Variants in SIPA1L3 observed in about 807,000 individuals in gnomAD.
SIPA1L3 encodes signal-induced proliferation-associated 1-like protein 3.
In SIPA1L3, 59 loss-of-function variants were observed where a neutral mutation model predicts 150.1. The observed-to-expected ratio is 0.39, with a 90% CI of 0.32 to 0.49. The LOEUF (loss-of-function observed/expected upper bound fraction) is 0.49. Among genes scored for constraint, SIPA1L3 ranks in the 20% least tolerant of loss-of-function variants. The pLI is 0.86. For synonymous variants in SIPA1L3, 1,070 were observed against 1,077.6 expected, an observed-to-expected ratio of 0.99 and a Z score of 0.14; for missense variants, 2,211 against 2,489.5, an observed-to-expected ratio of 0.89 and a Z score of 2.38.
intron 4 of SIPA1L3, among the ~76,000 whole-genome samples, chr19:38,092,608 A>G (rs1006583408): frequency 2.6e-5 from 4 of 152,140 alleles, no homozygotes; most frequent in African/African-American, 9.7e-5. Context: ...TTTGAGTCTC[A>G]CAGCCACAGG....
At chr19:37,956,066 T>C (rs1484587041) in intron 1 of SIPA1L3, among the ~76,000 whole-genome samples, 1 of 152,224 alleles carries the variant, frequency 6.6e-6, no homozygotes, top group Non-Finnish European at 1.5e-5. Flanking sequence ...CATGGCGCAC[T>C]ACAGTATCAA....
chr19:37,974,959 C>G (rs764507178), intron 1 of SIPA1L3, among the ~76,000 whole-genome samples: 8 of 152,092 alleles, frequency 5.3e-5, no homozygotes, highest in Non-Finnish European at 8.8e-5. Flanking sequence ...GGGCAGATCA[C>G]GAGGTCAGGA....
intron 19 of SIPA1L3, 95 bp downstream of exon 19, chr19:38,198,627 C>T: frequency 8.2e-7 from 1 of 1,214,894 alleles, no homozygotes; most frequent in Non-Finnish European, 1.1e-6. Flanking sequence ...GGGATACCCA[C>T]TCAGGTTCCA....
chr19:38,066,124 C>A (rs886709661), intron 2 of SIPA1L3, among the ~76,000 whole-genome samples: 1 of 151,574 alleles, frequency 6.6e-6, no homozygotes, highest in Non-Finnish European at 1.5e-5. Flanking sequence ...GTGATCCTCC[C>A]GCCTCAGCCT....
intron 9 of SIPA1L3, among the ~76,000 whole-genome samples, chr19:38,123,265 T>TTTTTTTG (rs1971068417): frequency 8.0e-6 from 1 of 125,558 alleles, no homozygotes; most frequent in African/African-American, 2.9e-5. Context: ...TTTTTTTTTG[T>TTTTTTTG]TTTTTTTGTT....
chr19:37,927,620 C>T (rs1416039288), intron 1 of SIPA1L3, among the ~76,000 whole-genome samples: 1 of 125,216 alleles, frequency 8.0e-6, no homozygotes, highest in Non-Finnish European at 1.6e-5. Context: ...TGTGTATATG[C>T]AATGTTTAGC....
At chr19:38,058,225 C>T (rs1037774129) in intron 2 of SIPA1L3, among the ~76,000 whole-genome samples, 4 of 152,148 alleles carry the variant, frequency 2.6e-5, no homozygotes, top group African/African-American at 7.2e-5. Flanking sequence ...AGCAGGCCCT[C>T]GCCATCTGCC....
intron 16 of SIPA1L3, chr19:38,185,515 A>G (rs1441572198): frequency 6.6e-6 from 1 of 151,418 alleles, no homozygotes; most frequent in African/African-American, 2.4e-5. Context: ...CAGCCGCAAC[A>G]AACTACCACA....
intron 3 of SIPA1L3, among the ~76,000 whole-genome samples, chr19:38,086,059 C>T (rs751325276): frequency 1.3e-5 from 2 of 151,318 alleles, no homozygotes; most frequent in African/African-American, 2.4e-5. Flanking sequence ...ACAACCATAG[C>T]GGGAGAAGTG....
intron 1 of SIPA1L3, among the ~76,000 whole-genome samples, chr19:37,994,969 C>T (rs1268075852): frequency 3.3e-5 from 5 of 152,268 alleles, no homozygotes; most frequent in African/African-American, 4.8e-5. Context: ...GCAGGCGTTT[C>T]GTTCGTGCTG....
chr19:38,038,367 C>T (rs1020300994), intron 2 of SIPA1L3, among the ~76,000 whole-genome samples: 3 of 152,044 alleles, frequency 2.0e-5, no homozygotes, highest in African/African-American at 7.2e-5. Context: ...CCCAGGTGAG[C>T]AGATCACCTG....
chr19:37,994,117 G>A (rs1050784347), intron 1 of SIPA1L3, among the ~76,000 whole-genome samples: 5 of 152,036 alleles, frequency 3.3e-5, no homozygotes, highest in Admixed American at 2.6e-4. Flanking sequence ...GTCCAGACTG[G>A]TATTGAACTT....
chr19:38,157,675 G>A (rs185428826), intron 13 of SIPA1L3, among the ~76,000 whole-genome samples: 36 of 152,280 alleles, frequency 2.4e-4, no homozygotes, highest in African/African-American at 7.2e-4. Flanking sequence ...GCAGGTCACC[G>A]AGGGCTGATC....
chr19:37,959,639 C>A (rs954587031), intron 1 of SIPA1L3, among the ~76,000 whole-genome samples: 1 of 152,126 alleles, frequency 6.6e-6, no homozygotes, highest in South Asian at 2.1e-4. Context: ...GGGTAAATTT[C>A]ATTCATTGAC....
At position 38,142,659 on chromosome 19, in the gene SIPA1L3, TCTC is replaced by T. The variant is rs1971618129; in HGVS notation, c.3484_3486del (p.Ser1162del). 2 of 1,613,966 alleles carry T rather than the reference TCTC, an allele frequency of 1.2e-6. No homozygotes were observed. Among genetic ancestry groups the T allele is most frequent in the African/African-American group, 1.3e-5 (1 of 75,002 alleles). On this transcript the variant is annotated inframe_deletion, in exon 12 of 22. Coordinates refer to ENST00000222345, the MANE Select transcript of SIPA1L3 (RefSeq NM_015073.3). ...CCCTACCGACAGCCTTCTGGGAGCTTCTCCACCCCCGGTTCGGCCACCTACGTG... is the reference window on the plus strand; with the variant it reads ...CCCTACCGACAGCCTTCTGGGAGCTTCACCCCCGGTTCGGCCACCTACGTG...
At chr19:37,922,972 CAAA>C (rs553338956) in intron 1 of SIPA1L3, among the ~76,000 whole-genome samples, 1 of 125,580 alleles carries the variant, frequency 8.0e-6, no homozygotes, top group Non-Finnish European at 1.7e-5. Flanking sequence ...ACTAAAAATA[CAAA>C]AAAAAAAAAA....
intron 15 of SIPA1L3, among the ~76,000 whole-genome samples, chr19:38,179,806 GGTCATTGTCTAGA>G (rs1972517988): frequency 6.6e-6 from 1 of 152,114 alleles, no homozygotes; most frequent in South Asian, 2.1e-4. Flanking sequence ...TACTGACTCA[GGTCATTGTCTAGA>G]GTCATTTCTT....
chr19:38,111,481 T>G (rs1350708678), intron 8 of SIPA1L3, among the ~76,000 whole-genome samples: 1 of 152,222 alleles, frequency 6.6e-6, no homozygotes, highest in African/African-American at 2.4e-5. Context: ...ATAGTCTGAT[T>G]GCGCCTGAGT....
At chr19:38,186,565 G>A (rs997869975) in intron 16 of SIPA1L3, among the ~76,000 whole-genome samples, 1 of 151,258 alleles carries the variant, frequency 6.6e-6, no homozygotes, top group Admixed American at 6.6e-5. Flanking sequence ...TGTTGGTCAG[G>A]CTGGTCTCGA....
Sources: allele counts gnomAD v4.1 joint callset (sites outside exome capture counted in the v4.1 genomes callset), GRCh38; gene constraint gnomAD v4.1.1; transcripts MANE v1.5; gene names NCBI Gene and HGNC (gene_info 2026-07-23, HGNC 2026-07-21).